Variants in LAMC1 observed in about 807,000 individuals in gnomAD.
The protein encoded by LAMC1 is laminin subunit gamma 1, also known as laminin subunit gamma-1.
In LAMC1, 38 loss-of-function variants were observed where a neutral mutation model predicts 173.6. The ratio of observed to expected loss-of-function variants is 0.22; its 90% CI spans 0.17 to 0.29. The LOEUF is 0.29. LAMC1 is among the 10% of genes least tolerant of loss of function. The pLI, the probability that LAMC1 is intolerant of heterozygous loss-of-function variation, is 1.00. For synonymous variants in LAMC1, 746 were observed against 749.1 expected (o/e 1.00, Z 0.07); for missense variants, 1,824 against 2,051.8 (o/e 0.89, Z 2.14).
At chr1:183,130,579 A>T in intron 19 of LAMC1, 30 bp downstream of exon 19, 1 of 1,584,652 alleles carries the variant, frequency 6.3e-7, no homozygotes, top group African/African-American at 1.3e-5. Context: ...TGAGGTGGGG[A>T]TGGGGGAGGC....
intron 2 of LAMC1, among the ~76,000 whole-genome samples, chr1:183,107,691 G>A (rs374529343): frequency 1.2e-4 from 18 of 152,040 alleles, no homozygotes; most frequent in African/African-American, 3.9e-4. Context: ...TTAGCTGGGC[G>A]TGGTGGCGGG....
rs569051351 is a variant in LAMC1, at chr1:183,073,927, T to C, written c.419-29401T>C. Among the ~76,000 whole-genome samples, 101 of 152,228 alleles carry C rather than the reference T, an allele frequency of 6.6e-4. 1 individual carries two copies. In the South Asian group the frequency reaches 0.02, roughly 30 times the overall value. On this transcript the variant is annotated intron_variant, in intron 1 of 27. Coordinates refer to ENST00000258341, the MANE Select transcript of LAMC1 (RefSeq NM_002293.4). ...GAAACAACAAAAAAGTGGCATAGAT[T>C]ACATAGATTAGAAAACAACCTTGTA...
chr1:183,051,524 G>C (rs186871389), intron 1 of LAMC1, among the ~76,000 whole-genome samples: 1 of 152,348 alleles, frequency 6.6e-6, no homozygotes, highest in East Asian at 1.9e-4. Context: ...TCAAAATCAT[G>C]AGATAAAAAT....
chr1:183,043,801 A>G (rs1654199960), intron 1 of LAMC1, among the ~76,000 whole-genome samples: 1 of 152,162 alleles, frequency 6.6e-6, no homozygotes, highest in African/African-American at 2.4e-5. Context: ...TCATTTTAGA[A>G]AGGCAATGTC....
intron 1 of LAMC1, among the ~76,000 whole-genome samples, chr1:183,051,838 G>A (rs1654435275): frequency 6.6e-6 from 1 of 152,150 alleles, no homozygotes; most frequent in Admixed American, 6.5e-5. Context: ...GTTATCACAG[G>A]GATCTTGTGT....
At chr1:183,116,357 G>A (rs1201594194) in intron 6 of LAMC1, among the ~76,000 whole-genome samples, 1 of 151,862 alleles carries the variant, frequency 6.6e-6, no homozygotes, top group Non-Finnish European at 1.5e-5. Flanking sequence ...TGCGCCTGTA[G>A]TCCCAGCTAC....
intron 1 of LAMC1, among the ~76,000 whole-genome samples, chr1:183,048,505 T>C (rs778705919): frequency 5.3e-5 from 8 of 152,200 alleles, no homozygotes; most frequent in Non-Finnish European, 1.0e-4. Flanking sequence ...TATAAACTTG[T>C]TATAAATAAG....
At chr1:183,077,427 C>T (rs533561058) in intron 1 of LAMC1, among the ~76,000 whole-genome samples, 2 of 152,030 alleles carry the variant, frequency 1.3e-5, no homozygotes, top group East Asian at 3.9e-4. Context: ...TTAATTTTTC[C>T]ATAGGTTATT....
chr1:183,105,224 C>CAAAAAAAAAAAAAA (rs35512159), intron 2 of LAMC1, among the ~76,000 whole-genome samples: 3 of 42,832 alleles, frequency 7.0e-5, no homozygotes, highest in Admixed American at 3.3e-4. Context: ...GACTCCATCT[C>CAAAAAAAAAAAAAA]AAAAAAAAAA....
chr1:183,134,796 A>G lies in LAMC1; in HGVS notation c.3986A>G (p.Lys1329Arg). 2 of 1,613,186 alleles carry G rather than the reference A, an allele frequency of 1.2e-6. No homozygotes were observed. The highest frequency in any genetic ancestry group is 1.7e-6 in the Non-Finnish European group (2 of 1,179,768). ...GTCAAGAACCTTCTGGAGAAAGGCA[A>G]GACTGAACAGCAGGTTGGTTTGATT... is the stretch of plus-strand genomic sequence containing the variant. ...LEVKNLLEKG[K>R]TEQQTADQLL... The change falls in exon 23 of 28, where the codon AAG (lysine) becomes AGG (arginine). Residue 1329 changes from lysine to arginine, a missense_variant. Transcript: ENST00000258341.
intron 2 of LAMC1, 132 bp downstream of exon 2, chr1:183,103,764 CAG>C: frequency 2.9e-6 from 2 of 682,834 alleles, no homozygotes; most frequent in Non-Finnish European, 4.6e-6. Flanking sequence ...GCAACACAGA[CAG>C]AGAGCTTGAT....
At chr1:183,132,259 A>G (rs1281424085) in intron 20 of LAMC1, 141 bp from the exon 21 acceptor site, 4 of 559,052 alleles carry the variant, frequency 7.2e-6, no homozygotes, top group African/African-American at 6.0e-5. Flanking sequence ...GCCACTGCAC[A>G]CCAGCCTGGG....
chr1:183,128,832 TTTATAAAA>T, intron 18 of LAMC1, 82 bp downstream of exon 18: 1 of 1,068,720 alleles, frequency 9.4e-7, no homozygotes, highest in South Asian at 3.2e-5. Flanking sequence ...TTAGTATAGT[TTTATAAAA>T]TTCTTTCTCA....
intron 1 of LAMC1, among the ~76,000 whole-genome samples, chr1:183,050,630 G>A (rs1169395045): frequency 1.4e-5 from 2 of 141,740 alleles, no homozygotes; most frequent in African/African-American, 2.5e-5. Context: ...GGTGGCTCAC[G>A]CCTGTAATCC....
At chr1:183,068,006 T>C (rs1654919798) in intron 1 of LAMC1, among the ~76,000 whole-genome samples, 1 of 152,176 alleles carries the variant, frequency 6.6e-6, no homozygotes, top group South Asian at 2.1e-4. Flanking sequence ...AATAAGTGGA[T>C]TGGAGTCCAT....
chr1:183,062,020 A>T (rs758364460), intron 1 of LAMC1, among the ~76,000 whole-genome samples: 2 of 152,246 alleles, frequency 1.3e-5, no homozygotes, highest in Non-Finnish European at 2.9e-5. Context: ...CAGTTCTCAG[A>T]TCTTCTTAGT....
chr1:183,064,198 A>G (rs1558036684), intron 1 of LAMC1, among the ~76,000 whole-genome samples: 1 of 152,214 alleles, frequency 6.6e-6, no homozygotes, highest in Admixed American at 6.5e-5. Context: ...ATGTATATAT[A>G]GTCATGCATT....
At chr1:183,052,595 A>G (rs1171270096) in intron 1 of LAMC1, among the ~76,000 whole-genome samples, 2 of 152,122 alleles carry the variant, frequency 1.3e-5, no homozygotes, top group Non-Finnish European at 2.9e-5. Context: ...TCAGCCTTCC[A>G]AAGTGCTGGG....
chr1:183,095,938 C>A (rs918889757), intron 1 of LAMC1, among the ~76,000 whole-genome samples: 1 of 152,178 alleles, frequency 6.6e-6, no homozygotes, highest in Non-Finnish European at 1.5e-5. Context: ...TGAAATTACT[C>A]TCCAAGGGTG....
Sources: allele counts gnomAD v4.1 joint callset (sites outside exome capture counted in the v4.1 genomes callset), GRCh38; gene constraint gnomAD v4.1.1; transcripts MANE v1.5; gene names NCBI Gene and HGNC (gene_info 2026-07-23, HGNC 2026-07-21).